Variants in DARS1 observed in about 807,000 individuals in gnomAD.
DARS1 encodes the protein aspartate--tRNA ligase, cytoplasmic.
DARS1 carries 51 observed loss-of-function variants against 68.8 expected under a neutral mutation model. The observed-to-expected ratio is 0.74, with a 90% CI of 0.59 to 0.94. The LOEUF (loss-of-function observed/expected upper bound fraction) is 0.94, where lower values mean the gene tolerates loss of function less well. Ranked by LOEUF, DARS1 falls within the 40% of genes least tolerant of loss-of-function variation. The pLI is 0.00. For synonymous variants in DARS1, 203 were observed against 190.4 expected (o/e 1.07, Z -0.55); for missense variants, 607 against 597.3 (o/e 1.02, Z -0.17).
chr2:135,979,364 G>C lies in DARS1; in HGVS notation c.127C>G (p.Arg43Gly), dbSNP rs762236500. Residue 43 changes from arginine to glycine, a missense_variant and splice_region_variant, in exon 3 of 16, where the codon CGA becomes GGA. Coordinates refer to ENST00000264161, the MANE Select transcript of DARS1 (RefSeq NM_001349.4). ...AAGTCTCTAACCCGAACCAAAACTC[G>C]ATCTGTAATAACAGTAAACGATTTT... ...SMIQSQEKPD[R>G]VLVRVRDLTI... The C allele has an allele frequency of 7.7e-7, 1 of 1,290,606 alleles. No homozygotes were observed. Among genetic ancestry groups the C allele is most frequent in the South Asian group, 1.2e-5 (1 of 84,164 alleles). The allele number at this position is 1,290,606 out of a possible 1,614,324, so 79.9% of individuals were successfully genotyped here. A position where few individuals can be genotyped will look rare whatever the true frequency, so the allele number is the denominator to read the frequency against.
At chr2:135,958,933 A>G (rs535057035) in intron 4 of DARS1, among the ~76,000 whole-genome samples, 2 of 152,184 alleles carry the variant, frequency 1.3e-5, no homozygotes, top group African/African-American at 4.8e-5. Flanking sequence ...TATAAAGTCC[A>G]TTTTTTAAAG....
intron 3 of DARS1, among the ~76,000 whole-genome samples, chr2:135,972,201 C>T (rs1401278198): frequency 6.6e-6 from 1 of 152,022 alleles, no homozygotes; most frequent in African/African-American, 2.4e-5. Context: ...CTATAGTAAC[C>T]AAAAACAACT....
intron 2 of DARS1, 88 bp from the exon 3 acceptor site, chr2:135,979,454 G>A: frequency 5.5e-6 from 4 of 733,844 alleles, no homozygotes; most frequent in Non-Finnish European, 9.6e-6. Context: ...TTGACAGCTA[G>A]CATAAGTACT....
At chr2:135,907,738 T>C (rs1202351315) in intron 15 of DARS1, among the ~76,000 whole-genome samples, 1 of 152,170 alleles carries the variant, frequency 6.6e-6, no homozygotes, top group Non-Finnish European at 1.5e-5. Flanking sequence ...ACGTTTCAAA[T>C]GATACCACAC....
chr2:135,931,789 G>A (rs1681354627), intron 7 of DARS1, among the ~76,000 whole-genome samples: 3 of 152,086 alleles, frequency 2.0e-5, no homozygotes, highest in African/African-American at 7.2e-5. Context: ...TTTTTAAGAA[G>A]TGCCATCCAG....
intron 3 of DARS1, among the ~76,000 whole-genome samples, chr2:135,972,174 C>T (rs1372489693): frequency 6.6e-6 from 1 of 152,076 alleles, no homozygotes; most frequent in African/African-American, 2.4e-5. Flanking sequence ...TACTTACCTT[C>T]AAATTATACT....
intron 3 of DARS1, among the ~76,000 whole-genome samples, chr2:135,968,091 C>T (rs1052583993): frequency 2.0e-5 from 3 of 152,054 alleles, no homozygotes; most frequent in Non-Finnish European, 2.9e-5. Flanking sequence ...GAAACCCCGA[C>T]TCTACTAAAA....
chr2:135,962,446 T>C (rs1262743634), intron 3 of DARS1, among the ~76,000 whole-genome samples: 1 of 152,184 alleles, frequency 6.6e-6, no homozygotes, highest in Non-Finnish European at 1.5e-5. Context: ...TTTTTTAAAC[T>C]GAGCATTATA....
chr2:135,916,606 T>C (rs1238271760), intron 10 of DARS1, among the ~76,000 whole-genome samples: 2 of 152,232 alleles, frequency 1.3e-5, no homozygotes, highest in African/African-American at 4.8e-5. Context: ...TTATAATTCA[T>C]ATCAGTTAAT....
intron 3 of DARS1, among the ~76,000 whole-genome samples, chr2:135,971,006 T>C (rs1305090738): frequency 6.6e-6 from 1 of 152,100 alleles, no homozygotes; most frequent in Non-Finnish European, 1.5e-5. Flanking sequence ...TACTGCTGAA[T>C]TCTACTAAAC....
chr2:135,915,385 C>G (rs7585928), intron 11 of DARS1, among the ~76,000 whole-genome samples: 3,459 of 152,216 alleles, frequency 0.023, 128 homozygotes, highest in African/African-American at 0.079. Flanking sequence ...CTCCTGGGCA[C>G]AAGTGATCCA....
chr2:135,935,006 G>C (rs938019344), intron 5 of DARS1, among the ~76,000 whole-genome samples: 1 of 151,766 alleles, frequency 6.6e-6, no homozygotes, highest in African/African-American at 2.4e-5. Context: ...GGCCAGGCTG[G>C]TCTCAAACTC....
intron 3 of DARS1, among the ~76,000 whole-genome samples, chr2:135,976,142 C>T (rs1363798626): frequency 2.0e-5 from 3 of 152,142 alleles, no homozygotes; most frequent in Non-Finnish European, 2.9e-5. Context: ...ACATAAAACA[C>T]TGATACAGCA....
chr2:135,911,693 T>C (rs1680900352), intron 13 of DARS1, 200 bp from the exon 14 acceptor site: 2 of 458,318 alleles, frequency 4.4e-6, no homozygotes, highest in Non-Finnish European at 7.7e-6. Flanking sequence ...TGTGCTCTCC[T>C]CCCACACCCC....
chr2:135,965,908 T>C (rs921151980), intron 3 of DARS1, among the ~76,000 whole-genome samples: 1 of 152,166 alleles, frequency 6.6e-6, no homozygotes, highest in Non-Finnish European at 1.5e-5. Context: ...AATAGAACTG[T>C]CCACTCAGAC....
At chr2:135,981,329 C>T (rs1682625763) in intron 2 of DARS1, among the ~76,000 whole-genome samples, 1 of 152,106 alleles carries the variant, frequency 6.6e-6, no homozygotes, top group African/African-American at 2.4e-5. Flanking sequence ...TCTCAAGTGT[C>T]TCCTCCTGCT....
intron 7 of DARS1, among the ~76,000 whole-genome samples, chr2:135,929,839 G>T (rs1176016863): frequency 6.6e-6 from 1 of 152,218 alleles, no homozygotes; most frequent in Non-Finnish European, 1.5e-5. Flanking sequence ...GTTTCAGGGA[G>T]ATATGGCAAA....
At chr2:135,958,253 A>C (rs1682020789) in intron 4 of DARS1, among the ~76,000 whole-genome samples, 1 of 152,224 alleles carries the variant, frequency 6.6e-6, no homozygotes, top group East Asian at 1.9e-4. Flanking sequence ...CAAGTATCTG[A>C]ACTTAACTGG....
chr2:135,970,424 A>G (rs750135748), intron 3 of DARS1, among the ~76,000 whole-genome samples: 7 of 152,010 alleles, frequency 4.6e-5, no homozygotes, highest in Non-Finnish European at 1.0e-4. Flanking sequence ...GAAATCAAAA[A>G]ATTTCTTGAA....
Sources: allele counts gnomAD v4.1 joint callset (sites outside exome capture counted in the v4.1 genomes callset), GRCh38; gene constraint gnomAD v4.1.1; transcripts MANE v1.5; gene names NCBI Gene and HGNC (gene_info 2026-07-23, HGNC 2026-07-21).